The following SACM1L variants were observed in gnomAD, a reference collection of about 807,000 sequenced individuals.
SACM1L encodes SAC1 like phosphatidylinositide phosphatase, also known as phosphatidylinositol-3-phosphatase SAC1.
In SACM1L, 32 loss-of-function variants were observed where a neutral mutation model predicts 89.5. That is an observed-to-expected ratio of 0.36 (90% confidence interval 0.27 to 0.48). The LOEUF is 0.48. SACM1L is among the 20% of genes least tolerant of loss of function. The probability of loss-of-function intolerance (pLI) is 0.99; values close to 1 mark genes in which losing one functional copy is unlikely to be tolerated. For missense variants in SACM1L, 543 were observed against 708.5 expected, an observed-to-expected ratio of 0.77 and a Z score of 2.65; for synonymous variants, 213 against 232.8, an observed-to-expected ratio of 0.92 and a Z score of 0.77.
chr3:45,735,055 G>A, intron 13 of SACM1L, 180 bp from the exon 14 acceptor site: 1 of 493,554 alleles, frequency 2.0e-6, no homozygotes, highest in Non-Finnish European at 3.4e-6. Context: ...TCTTGCCTCA[G>A]CCATTTAGAC....
chr3:45,737,435 G>T (rs1699225965), intron 14 of SACM1L, 148 bp from the exon 15 acceptor site: 1 of 785,182 alleles, frequency 1.3e-6, no homozygotes, highest in Admixed American at 2.5e-5. Context: ...GCTGCTGTGA[G>T]CTGGGGCCCC....
At chr3:45,703,047 G>T (rs62242214) in intron 1 of SACM1L, among the ~76,000 whole-genome samples, 1,961 of 152,144 alleles carry the variant, frequency 0.013, 17 homozygotes, top group Non-Finnish European at 0.021. Flanking sequence ...TGGTATTATC[G>T]TTATTTTACA....
intron 2 of SACM1L, among the ~76,000 whole-genome samples, chr3:45,704,756 A>G (rs930923601): frequency 6.6e-6 from 1 of 152,226 alleles, no homozygotes; most frequent in African/African-American, 2.4e-5. Flanking sequence ...GATGCCAAAC[A>G]GTCATCAGTA....
intron 2 of SACM1L, 42 bp downstream of exon 2, chr3:45,703,577 T>A (rs377558540): frequency 6.5e-5 from 84 of 1,287,354 alleles, no homozygotes; most frequent in Non-Finnish European, 8.7e-5. Flanking sequence ...AGAAAGATTT[T>A]ATACATAAAT....
chr3:45,694,922 G>A (rs952886585), intron 1 of SACM1L, among the ~76,000 whole-genome samples: 1 of 152,138 alleles, frequency 6.6e-6, no homozygotes, highest in Non-Finnish European at 1.5e-5. Context: ...GGCATTCAGG[G>A]AATAGGATAT....
chr3:45,714,956 C>G (rs1485948586), intron 7 of SACM1L, among the ~76,000 whole-genome samples: 2 of 152,172 alleles, frequency 1.3e-5, no homozygotes, highest in African/African-American at 2.4e-5. Context: ...TACCATATTT[C>G]TACTGTATCT....
intron 13 of SACM1L, 44 bp from the exon 14 acceptor site, chr3:45,735,191 C>A: frequency 1.3e-6 from 2 of 1,559,606 alleles, no homozygotes; most frequent in Non-Finnish European, 1.7e-6. Context: ...CTTAGTAAAT[C>A]TGACCTACTT....
chr3:45,713,324 AC>A, intron 6 of SACM1L, 128 bp downstream of exon 6: 1 of 712,576 alleles, frequency 1.4e-6, no homozygotes, highest in Non-Finnish European at 2.3e-6. Flanking sequence ...TTTATAACTT[AC>A]AAACTTGGAT....
chr3:45,714,509 T>A (rs1161112752), intron 7 of SACM1L, among the ~76,000 whole-genome samples: 1 of 152,160 alleles, frequency 6.6e-6, no homozygotes, highest in Non-Finnish European at 1.5e-5. Flanking sequence ...GGTGGGAGGA[T>A]GACTTGAGCC....
At chr3:45,722,471 T>G (rs1698810291) in intron 9 of SACM1L, among the ~76,000 whole-genome samples, 2 of 152,174 alleles carry the variant, frequency 1.3e-5, no homozygotes, top group South Asian at 4.1e-4. Context: ...GTACACCACT[T>G]GCTGCTCCAG....
At chr3:45,743,162 T>C (rs899371094) in intron 19 of SACM1L, among the ~76,000 whole-genome samples, 2 of 152,230 alleles carry the variant, frequency 1.3e-5, no homozygotes, top group African/African-American at 4.8e-5. Flanking sequence ...ACTTAATAGT[T>C]ATTTGTATTA....
chr3:45,709,605 C>T lies in SACM1L; in HGVS notation c.441C>T (p.Ser147=), dbSNP rs374784412. The change falls in exon 5 of 20, where the codon TCC becomes TCT. Residue 147 remains serine (S), a synonymous_variant. Transcript: ENST00000389061. The part of the protein sequence containing the change: ...YDLTHTLQRL[S]NTSPEFQEMS... ...TGACCCATACTTTGCAGCGGCTATC[C>T]AACACTAGTCCTGAATTCCAAGAAA... is the stretch of plus-strand genomic sequence containing the variant. 9 of 1,613,720 alleles carry T rather than the reference C, an allele frequency of 5.6e-6. No individual in the cohort carries two copies. The African/African-American group carries it at 1.1e-4, about 19-fold the overall frequency.
At chr3:45,703,651 TTAAAA>T in intron 2 of SACM1L, 116 bp downstream of exon 2, 1 of 565,900 alleles carries the variant, frequency 1.8e-6, no homozygotes, top group South Asian at 2.7e-5. Context: ...TGCATTCTTA[TTAAAA>T]TTTTTATTCT....
intron 1 of SACM1L, among the ~76,000 whole-genome samples, chr3:45,700,122 A>G (rs182031293): frequency 1.3e-5 from 2 of 152,262 alleles, no homozygotes; most frequent in Non-Finnish European, 2.9e-5. Flanking sequence ...AGCAATATGC[A>G]TTTCTCTGTT....
chr3:45,725,610 A>G (rs897090342), intron 11 of SACM1L, among the ~76,000 whole-genome samples: 2 of 150,836 alleles, frequency 1.3e-5, no homozygotes, highest in Non-Finnish European at 3.0e-5. Flanking sequence ...CAGAATTTTT[A>G]GGGTTTTCTA....
At chr3:45,727,260 G>A (rs1440075209) in intron 11 of SACM1L, among the ~76,000 whole-genome samples, 1 of 152,038 alleles carries the variant, frequency 6.6e-6, no homozygotes. Flanking sequence ...CTCTTGCTGG[G>A]ATTTTTTCTT....
At chr3:45,697,269 C>CTT (rs869095037) in intron 1 of SACM1L, among the ~76,000 whole-genome samples, 3,943 of 91,788 alleles carry the variant, frequency 0.043, 410 homozygotes, top group African/African-American at 0.16. Flanking sequence ...TTTTCTTTTC[C>CTT]TTTTTTTTTT....
Position 45,726,971 on chromosome 3 carries a change from C to T in SACM1L, c.921+3428C>T, listed in dbSNP as rs1305012301. 2.0e-4 allele frequency among the ~76,000 whole-genome samples: 6 copies of T among 30,242 alleles called. 3 individuals are homozygous for T. Among genetic ancestry groups the T allele is most frequent in the Admixed American group, 5.6e-4 (2 of 3,548 alleles). The allele number at this position is 30,242 out of a possible 152,430, so 19.8% of individuals were successfully genotyped here. ...CGCAATCTCGGCTCACTGCAAGCTC[C>T]GCTTCCCGGGTTCACGCCATTCTCC... On this transcript the variant is annotated intron_variant, in intron 11 of 19. Transcript: ENST00000389061.
chr3:45,716,279 G>A (rs1698658252), intron 7 of SACM1L, among the ~76,000 whole-genome samples: 2 of 152,106 alleles, frequency 1.3e-5, no homozygotes, highest in African/African-American at 4.8e-5. Context: ...TTCAAGACCA[G>A]CCTGGAGAAC....
Sources: gnomAD v4.1 joint callset for allele counts (sites outside exome capture counted in the v4.1 genomes callset) on GRCh38, gnomAD v4.1.1 for gene constraint, MANE v1.5 for transcripts, NCBI Gene and HGNC (gene_info 2026-07-23, HGNC 2026-07-21) for gene names.